The following TMOD3 variants were observed in gnomAD, a reference collection of about 807,000 sequenced individuals.
The protein encoded by TMOD3 is tropomodulin 3, also known as tropomodulin-3.
TMOD3 carries 20 observed loss-of-function variants against 39.2 expected under a neutral mutation model. That is an observed-to-expected ratio of 0.51 (90% CI 0.36 to 0.74). The LOEUF (loss-of-function observed/expected upper bound fraction) is 0.74. Among genes scored for constraint, TMOD3 ranks in the 30% least tolerant of loss-of-function variants. TMOD3 has a pLI of 0.00. For missense variants in TMOD3, 381 were observed against 412.8 expected, an observed-to-expected ratio of 0.92 and a Z score of 0.67; for synonymous variants, 143 against 145.8, an observed-to-expected ratio of 0.98 and a Z score of 0.14.
At chr15:51,830,312 C>G (rs146356903) in intron 1 of TMOD3, among the ~76,000 whole-genome samples, 236 of 152,290 alleles carry the variant, frequency 1.5e-3, no homozygotes, top group Non-Finnish European at 2.2e-3. Flanking sequence ...TGTGGCTGCC[C>G]TTGCATTCAC....
chr15:51,845,899 G>C (rs2056333190), intron 1 of TMOD3, among the ~76,000 whole-genome samples: 3 of 152,176 alleles, frequency 2.0e-5, no homozygotes, highest in Non-Finnish European at 1.5e-5. Flanking sequence ...CAAGGAGTCA[G>C]AAGGTACAGA....
At chr15:51,881,553 T>TC (rs2056534180) in intron 3 of TMOD3, among the ~76,000 whole-genome samples, 3 of 116,528 alleles carry the variant, frequency 2.6e-5, no homozygotes, top group Admixed American at 8.8e-5. Flanking sequence ...TTTATTTCTT[T>TC]TTTTTTTTTT....
At chr15:51,848,030 T>C (rs1475148330) in intron 1 of TMOD3, among the ~76,000 whole-genome samples, 1 of 152,116 alleles carries the variant, frequency 6.6e-6, no homozygotes, top group Non-Finnish European at 1.5e-5. Flanking sequence ...CTGCCTTGCA[T>C]TTCTATCATT....
intron 2 of TMOD3, 91 bp from the exon 3 acceptor site, chr15:51,869,126 T>G: frequency 7.2e-7 from 1 of 1,392,874 alleles, no homozygotes; most frequent in Non-Finnish European, 9.8e-7. Context: ...CACATTCCAG[T>G]CTGTAATTCT....
chr15:51,912,657 G>T lies in TMOD3; in HGVS notation c.*3847G>T, dbSNP rs1052563149. 6.6e-6 allele frequency: 1 copy of T among 152,098 alleles called. No individual in the cohort carries two copies. Among genetic ancestry groups the T allele is most frequent in the Admixed American group, 6.6e-5 (1 of 15,260 alleles). 9.4% of individuals were successfully genotyped at this position (152,098 alleles called of 1,614,324 possible). A position where few individuals can be genotyped will look rare whatever the true frequency, so the allele number is the denominator to read the frequency against. On this transcript the variant is annotated 3_prime_UTR_variant, in exon 10 of 10. Transcript: ENST00000308580. Reference sequence around the variant, plus strand: ...GATCATGCTTTCTCTGGAGTCCTTAGTCACTTCCATTCTTTGCAAGTTTAG... The same window carrying T: ...GATCATGCTTTCTCTGGAGTCCTTATTCACTTCCATTCTTTGCAAGTTTAG...
At chr15:51,877,883 C>A (rs1173648063) in intron 3 of TMOD3, among the ~76,000 whole-genome samples, 1 of 152,080 alleles carries the variant, frequency 6.6e-6, no homozygotes, top group Non-Finnish European at 1.5e-5. Flanking sequence ...TACCTCTAAG[C>A]TTTCAGAAGT....
intron 1 of TMOD3, among the ~76,000 whole-genome samples, chr15:51,836,227 C>T (rs1334502486): frequency 6.6e-6 from 1 of 152,064 alleles, no homozygotes; most frequent in Non-Finnish European, 1.5e-5. Flanking sequence ...AGAACCATCA[C>T]CACCATTTTA....
intron 9 of TMOD3, among the ~76,000 whole-genome samples, chr15:51,905,356 A>G (rs2056673111): frequency 6.6e-6 from 1 of 152,136 alleles, no homozygotes; most frequent in Admixed American, 6.5e-5. Context: ...GTGTGGTGGC[A>G]GGTACCTGTA....
intron 3 of TMOD3, among the ~76,000 whole-genome samples, chr15:51,882,513 A>G (rs1415450230): frequency 6.6e-6 from 1 of 152,148 alleles, no homozygotes; most frequent in Non-Finnish European, 1.5e-5. Flanking sequence ...GAAAAAAACC[A>G]AAAACAAAAA....
At chr15:51,904,900 G>A (rs1458620201) in intron 9 of TMOD3, among the ~76,000 whole-genome samples, 1 of 152,166 alleles carries the variant, frequency 6.6e-6, no homozygotes, top group African/African-American at 2.4e-5. Flanking sequence ...GCTGTGTTCT[G>A]ACCCAAAGCA....
chr15:51,908,696 A>G, intron 9 of TMOD3, 80 bp from the exon 10 acceptor site: 1 of 1,158,110 alleles, frequency 8.6e-7, no homozygotes, highest in Non-Finnish European at 1.2e-6. Context: ...GATTATGCAG[A>G]AACTTGCTTG....
At chr15:51,860,373 A>T (rs1342510619) in intron 1 of TMOD3, 3 of 543,648 alleles carry the variant, frequency 5.5e-6, no homozygotes, top group Non-Finnish European at 1.1e-5. Context: ...CTCCACATCC[A>T]TGTTGGCTTT....
chr15:51,836,723 CAAAAAAA>C (rs760890596), intron 1 of TMOD3, among the ~76,000 whole-genome samples: 10 of 129,288 alleles, frequency 7.7e-5, no homozygotes, highest in Non-Finnish European at 1.6e-4. Context: ...TGCTCCGTCT[CAAAAAAA>C]AAAAAAGAAA....
At chr15:51,894,097 TAGATATTGA>T (rs2056609148) in intron 6 of TMOD3, 152 bp downstream of exon 6, 2 of 571,414 alleles carry the variant, frequency 3.5e-6, no homozygotes, top group Non-Finnish European at 5.4e-6. Flanking sequence ...CTTCATATTT[TAGATATTGA>T]AGTATTATGG....
chr15:51,892,110 T>C (rs1447459783), intron 5 of TMOD3, among the ~76,000 whole-genome samples: 1 of 152,166 alleles, frequency 6.6e-6, no homozygotes, highest in Non-Finnish European at 1.5e-5. Flanking sequence ...AAGATACTCT[T>C]AGATGGAATT....
rs961698184 is a variant in TMOD3, at chr15:51,829,769, C to G, written c.-142C>G. Reference sequence around the variant, plus strand: ...GACCGGCGGGTGCTGGGAACCGAGCCTCGGCTTGCGGCCGGCAGTTTCCGT... The same window carrying G: ...GACCGGCGGGTGCTGGGAACCGAGCGTCGGCTTGCGGCCGGCAGTTTCCGT... On this transcript the variant is annotated 5_prime_UTR_variant, in exon 1 of 10. Transcript: ENST00000308580. 1 of 152,508 alleles carries G rather than the reference C, an allele frequency of 6.6e-6. No individual in the cohort carries two copies. Among genetic ancestry groups the G allele is most frequent in the East Asian group, 1.9e-4 (1 of 5,200 alleles). 9.4% of individuals were successfully genotyped at this position (152,508 alleles called of 1,614,324 possible).
Position 51,905,950 on chromosome 15 carries a change from C to CAAAAAAAAA in TMOD3, c.1025-2804_1025-2796dup, listed in dbSNP as rs869172248. Among the ~76,000 whole-genome samples the CAAAAAAAAA allele has an allele frequency of 4.2e-4, 27 of 64,742 alleles. 2 individuals carry two copies. Among genetic ancestry groups the CAAAAAAAAA allele is most frequent in the African/African-American group, 1.1e-3 (18 of 16,588 alleles). The allele number at this position is 64,742 out of a possible 152,430, so 42.5% of individuals were successfully genotyped here. A position where few individuals can be genotyped will look rare whatever the true frequency, so the allele number is the denominator to read the frequency against. On this transcript the variant is annotated intron_variant, in intron 9 of 9. Transcript: ENST00000308580. Reference sequence around the variant, plus strand: ...TGGGCAACAGAGCGAGACTCCGTCTCAAAAAAAAAAAAAAAAAAAAAAAAA... The same window carrying CAAAAAAAAA: ...TGGGCAACAGAGCGAGACTCCGTCTCAAAAAAAAAAAAAAAAAAAAAAAAAAAAAAAAAA...
chr15:51,856,290 T>G (rs1388629166), intron 1 of TMOD3, among the ~76,000 whole-genome samples: 1 of 152,120 alleles, frequency 6.6e-6, no homozygotes, highest in African/African-American at 2.4e-5. Flanking sequence ...AAACAAAAAG[T>G]GATAACTTTT....
chr15:51,859,152 C>G, intron 1 of TMOD3: 2 of 684,458 alleles, frequency 2.9e-6, no homozygotes, highest in South Asian at 3.0e-5. Flanking sequence ...GCTTGCAATA[C>G]TGTTTCACAA....
Sources: allele counts gnomAD v4.1 joint callset (sites outside exome capture counted in the v4.1 genomes callset), GRCh38; gene constraint gnomAD v4.1.1; transcripts MANE v1.5; gene names NCBI Gene and HGNC (gene_info 2026-07-23, HGNC 2026-07-21).